NR3C2: variants seen among roughly 807,000 people sequenced by gnomAD.
The protein encoded by NR3C2 is mineralocorticoid receptor.
In NR3C2, 15 loss-of-function variants were observed where a neutral mutation model predicts 86.4. That is an observed-to-expected ratio of 0.17 (90% confidence interval 0.12 to 0.27). NR3C2 has a LOEUF of 0.27. Ranked by LOEUF, NR3C2 falls within the 10% of genes least tolerant of loss-of-function variation. NR3C2 has a pLI of 1.00. For missense variants in NR3C2, 960 were observed against 1,195.6 expected, an observed-to-expected ratio of 0.80 and a Z score of 2.91; for synonymous variants, 458 against 450.5, an observed-to-expected ratio of 1.02 and a Z score of -0.21.
Position 148,327,022 on chromosome 4 carries a change from G to T in NR3C2, c.1758-66905C>A, listed in dbSNP as rs969252402. Reference sequence around the variant, plus strand: ...GATATACCATCCAAGAAAAGTCCACGGTTGAATAAGAATTATTTTTGATTA... The same window carrying T: ...GATATACCATCCAAGAAAAGTCCACTGTTGAATAAGAATTATTTTTGATTA... On this transcript the variant is annotated intron_variant, in intron 2 of 8. Coordinates refer to ENST00000358102, the MANE Select transcript of NR3C2 (RefSeq NM_000901.5). Among the ~76,000 whole-genome samples the T allele has an allele frequency of 3.3e-5, 5 of 152,030 alleles. No homozygotes were observed. The South Asian group carries it at 6.2e-4, about 19-fold the overall frequency.
intron 6 of NR3C2, among the ~76,000 whole-genome samples, chr4:148,144,777 A>C (rs1578935361): frequency 6.6e-6 from 1 of 152,332 alleles, no homozygotes; most frequent in Non-Finnish European, 1.5e-5. Flanking sequence ...TTGTAGTATA[A>C]AAACACAATT....
chr4:148,320,889 CT>C (rs1231420561), intron 2 of NR3C2, among the ~76,000 whole-genome samples: 1 of 148,970 alleles, frequency 6.7e-6, no homozygotes, highest in Non-Finnish European at 1.5e-5. Flanking sequence ...CAGTTCTGCT[CT>C]GATTTTAGTT....
intron 2 of NR3C2, among the ~76,000 whole-genome samples, chr4:148,267,918 G>A (rs1413683092): frequency 1.3e-5 from 2 of 150,222 alleles, no homozygotes; most frequent in Non-Finnish European, 3.0e-5. Context: ...GTTTTGAAAG[G>A]CTTATATTTT....
intron 2 of NR3C2, among the ~76,000 whole-genome samples, chr4:148,420,433 T>G (rs755659980): frequency 1.3e-5 from 2 of 152,222 alleles, no homozygotes; most frequent in Non-Finnish European, 2.9e-5. Flanking sequence ...CACTTATAAC[T>G]ATCACATAAT....
intron 2 of NR3C2, among the ~76,000 whole-genome samples, chr4:148,266,765 C>T (rs1477371319): frequency 1.3e-5 from 2 of 152,134 alleles, no homozygotes; most frequent in African/African-American, 2.4e-5. Context: ...GACATGGGCA[C>T]ACCAGCCAAA....
At chr4:148,406,601 C>T (rs956194689) in intron 2 of NR3C2, among the ~76,000 whole-genome samples, 1 of 152,086 alleles carries the variant, frequency 6.6e-6, no homozygotes, top group African/African-American at 2.4e-5. Flanking sequence ...ACAAAGAGCT[C>T]CTCAGAGCCA....
intron 6 of NR3C2, among the ~76,000 whole-genome samples, chr4:148,140,283 T>G (rs1420839901): frequency 6.6e-6 from 1 of 152,232 alleles, no homozygotes; most frequent in Non-Finnish European, 1.5e-5. Context: ...GGTGGAGAAC[T>G]GCCTGAGCTC....
chr4:148,333,857 A>G (rs1038464145), intron 2 of NR3C2, among the ~76,000 whole-genome samples: 1 of 152,234 alleles, frequency 6.6e-6, no homozygotes, highest in African/African-American at 2.4e-5. Flanking sequence ...TTTCAAGGCT[A>G]GTCCTAGAAA....
intron 2 of NR3C2, among the ~76,000 whole-genome samples, chr4:148,274,854 C>A (rs770610840): frequency 1.3e-5 from 2 of 151,840 alleles, no homozygotes; most frequent in Admixed American, 6.6e-5. Context: ...CCCACCACCA[C>A]GCCCAGCTAA....
At chr4:148,426,509 T>C (rs373351367) in intron 2 of NR3C2, among the ~76,000 whole-genome samples, 9 of 152,242 alleles carry the variant, frequency 5.9e-5, no homozygotes, top group African/African-American at 2.2e-4. Flanking sequence ...GATTTCTAGA[T>C]AGTCTTGGAG....
intron 2 of NR3C2, among the ~76,000 whole-genome samples, chr4:148,334,425 C>G: frequency 6.6e-6 from 1 of 152,174 alleles, no homozygotes; most frequent in East Asian, 1.9e-4. Flanking sequence ...TGCCTGTAAT[C>G]CCAGCTACTC....
intron 8 of NR3C2, among the ~76,000 whole-genome samples, chr4:148,100,372 C>T (rs1401113882): frequency 6.6e-6 from 1 of 152,062 alleles, no homozygotes; most frequent in Non-Finnish European, 1.5e-5. Context: ...ACTCCTACAG[C>T]TCAACAACAA....
At chr4:148,165,711 AATG>A (rs1734849345) in intron 4 of NR3C2, among the ~76,000 whole-genome samples, 4 of 152,226 alleles carry the variant, frequency 2.6e-5, no homozygotes, top group Non-Finnish European at 5.9e-5. Flanking sequence ...AAGAAAAAGA[AATG>A]ATGAGCCAGA....
intron 3 of NR3C2, among the ~76,000 whole-genome samples, chr4:148,220,043 C>G (rs1267770902): frequency 6.6e-6 from 1 of 152,082 alleles, no homozygotes; most frequent in Non-Finnish European, 1.5e-5. Flanking sequence ...ACACCTCAGC[C>G]TCCTAAGTAG....
intron 3 of NR3C2, among the ~76,000 whole-genome samples, chr4:148,255,606 GCTCT>G (rs1739793542): frequency 6.6e-6 from 1 of 152,132 alleles, no homozygotes; most frequent in South Asian, 2.1e-4. Context: ...ATAATAATGA[GCTCT>G]CTTTCTCTTT....
intron 1 of NR3C2, among the ~76,000 whole-genome samples, chr4:148,437,526 C>T (rs1213086750): frequency 6.6e-6 from 1 of 152,126 alleles, no homozygotes; most frequent in Non-Finnish European, 1.5e-5. Context: ...TCTATACATT[C>T]TGATAAAGAT....
chr4:148,184,872 A>G (rs1046884780), intron 4 of NR3C2, among the ~76,000 whole-genome samples: 1 of 152,174 alleles, frequency 6.6e-6, no homozygotes, highest in Admixed American at 6.5e-5. Context: ...AGACACCAGA[A>G]AAGGAGCTCA....
intron 3 of NR3C2, among the ~76,000 whole-genome samples, chr4:148,203,663 C>T (rs1384649897): frequency 3.6e-5 from 5 of 140,510 alleles, no homozygotes; most frequent in Non-Finnish European, 7.8e-5. Flanking sequence ...CCCCCCGCCC[C>T]GCCCCCGTTC....
chr4:148,185,831 A>C (rs1470301497), intron 4 of NR3C2, among the ~76,000 whole-genome samples: 2 of 152,148 alleles, frequency 1.3e-5, no homozygotes, highest in African/African-American at 4.8e-5. Context: ...CTTTATTTTT[A>C]TTAATGTCTG....
Sources: allele counts gnomAD v4.1 joint callset (sites outside exome capture counted in the v4.1 genomes callset), GRCh38; gene constraint gnomAD v4.1.1; transcripts MANE v1.5; gene names NCBI Gene and HGNC (gene_info 2026-07-23, HGNC 2026-07-21).